Variants in RAD51B observed in about 807,000 individuals in gnomAD.
RAD51B encodes the protein DNA repair protein RAD51 homolog 2.
In RAD51B, 38 loss-of-function variants were observed where a neutral mutation model predicts 42.2. The ratio of observed to expected loss-of-function variants is 0.90; its 90% CI spans 0.70 to 1.18. The LOEUF (loss-of-function observed/expected upper bound fraction) is 1.18, where lower values mean the gene tolerates loss of function less well. Ranked by LOEUF, RAD51B falls within the 50% of genes most tolerant of loss-of-function variation. The probability of loss-of-function intolerance (pLI) is 0.00; values close to 1 mark genes in which losing one functional copy is unlikely to be tolerated. For synonymous variants in RAD51B, 154 were observed against 145.2 expected, an observed-to-expected ratio of 1.06 and a Z score of -0.43; for missense variants, 373 against 400.7, an observed-to-expected ratio of 0.93 and a Z score of 0.59.
At position 68,450,499 on chromosome 14, in the gene RAD51B, G is replaced by A. The variant is rs190904361; in HGVS notation, c.958-17673G>A. ...CGCCCGAAGTGCTGGGATTATAGGC[G>A]TGAACCACCACGCCTGGCCAGGACT... On this transcript the variant is annotated intron_variant, in intron 9 of 10. Transcript: ENST00000471583. 3.5e-4 allele frequency among the ~76,000 whole-genome samples: 54 copies of A among 152,200 alleles called. 2 individuals are homozygous for A.
chr14:68,089,068 CA>C (rs1192197261), intron 7 of RAD51B, among the ~76,000 whole-genome samples: 1 of 151,908 alleles, frequency 6.6e-6, no homozygotes, highest in Non-Finnish European at 1.5e-5. Context: ...AATATAAAGC[CA>C]TCATTATTTT....
At chr14:68,162,310 C>T (rs941986813) in intron 7 of RAD51B, among the ~76,000 whole-genome samples, 4 of 152,058 alleles carry the variant, frequency 2.6e-5, no homozygotes, top group Non-Finnish European at 4.4e-5. Context: ...CAAGTTTAAG[C>T]TAACTTCCCA....
chr14:68,447,206 G>C (rs2085441301), intron 9 of RAD51B, among the ~76,000 whole-genome samples: 1 of 152,104 alleles, frequency 6.6e-6, no homozygotes, highest in South Asian at 2.1e-4. Flanking sequence ...CAACAAGAGT[G>C]AAACTCCATC....
intron 8 of RAD51B, among the ~76,000 whole-genome samples, chr14:68,396,188 C>T (rs2083916503): frequency 6.6e-6 from 1 of 152,162 alleles, no homozygotes; most frequent in Non-Finnish European, 1.5e-5. Flanking sequence ...AAAATAGGGG[C>T]AACACTAGAG....
At chr14:68,052,492 C>T (rs1419172808) in intron 7 of RAD51B, among the ~76,000 whole-genome samples, 1 of 152,054 alleles carries the variant, frequency 6.6e-6, no homozygotes, top group African/African-American at 2.4e-5. Flanking sequence ...ACTATAATCA[C>T]TTCCTCTAGT....
chr14:68,568,376 G>C (rs1286714790), intron 10 of RAD51B, among the ~76,000 whole-genome samples: 1 of 152,210 alleles, frequency 6.6e-6, no homozygotes, highest in African/African-American at 2.4e-5. Flanking sequence ...TCAGAGAGCT[G>C]CAAGTGGTAC....
At chr14:68,419,173 C>A (rs2084635560) in intron 9 of RAD51B, among the ~76,000 whole-genome samples, 1 of 152,190 alleles carries the variant, frequency 6.6e-6, no homozygotes, top group Non-Finnish European at 1.5e-5. Context: ...CTTTGTTTTA[C>A]AGATGGCGGT....
In RAD51B at chr14:67,825,169, G is replaced by A. The variant is rs147640663; in HGVS notation, c.85-295G>A. Among the ~76,000 whole-genome samples, 12 of 150,252 alleles carry A rather than the reference G, an allele frequency of 8.0e-5. No individual in the cohort carries two copies. The East Asian group carries it at 2.3e-3, about 29-fold the overall frequency. On this transcript the variant is annotated intron_variant, in intron 2 of 10. Transcript: ENST00000471583. ...TATATTTATACCCAAATTCTTTTTG[G>A]CACAAGTGTAGCGCTCATACGCACC...
intron 8 of RAD51B, among the ~76,000 whole-genome samples, chr14:68,311,384 C>T (rs1156570058): frequency 6.6e-6 from 1 of 152,234 alleles, no homozygotes; most frequent in African/African-American, 2.4e-5. Flanking sequence ...ATGCCACCAG[C>T]AGTGACCTAG....
At chr14:68,344,546 C>T (rs1451513395) in intron 8 of RAD51B, among the ~76,000 whole-genome samples, 1 of 152,062 alleles carries the variant, frequency 6.6e-6, no homozygotes, top group Non-Finnish European at 1.5e-5. Context: ...ACTCGGGAAG[C>T]TGAGGCAGGA....
intron 10 of RAD51B, chr14:68,563,302 G>A (rs1312528608): frequency 1.0e-6 from 1 of 985,296 alleles, no homozygotes; most frequent in Non-Finnish European, 1.2e-6. Context: ...CAATGGGCTT[G>A]TTCTCTCCTC....
At chr14:68,498,307 A>G (rs1884683639) in intron 10 of RAD51B, among the ~76,000 whole-genome samples, 1 of 152,248 alleles carries the variant, frequency 6.6e-6, no homozygotes, top group Non-Finnish European at 1.5e-5. Flanking sequence ...ACAAGTTGAA[A>G]GATGGTTCAG....
intron 7 of RAD51B, among the ~76,000 whole-genome samples, chr14:68,073,874 G>A (rs868636320): frequency 1.3e-5 from 2 of 152,094 alleles, no homozygotes; most frequent in African/African-American, 2.4e-5. Flanking sequence ...TGGCTTGTAG[G>A]GTTTCTGCTG....
At chr14:68,071,095 T>C (rs1264708282) in intron 7 of RAD51B, among the ~76,000 whole-genome samples, 1 of 152,058 alleles carries the variant, frequency 6.6e-6, no homozygotes, top group Non-Finnish European at 1.5e-5. Flanking sequence ...ATATTGTTGA[T>C]GTATGGAAAT....
intron 7 of RAD51B, among the ~76,000 whole-genome samples, chr14:67,901,640 T>C (rs546314716): frequency 6.6e-6 from 1 of 152,274 alleles, no homozygotes; most frequent in African/African-American, 2.4e-5. Flanking sequence ...AGAATCACAA[T>C]ACAGTTCACA....
At chr14:68,005,315 G>A (rs1004337277) in intron 7 of RAD51B, among the ~76,000 whole-genome samples, 3 of 152,052 alleles carry the variant, frequency 2.0e-5, no homozygotes, top group Non-Finnish European at 4.4e-5. Context: ...ACCTCCCAAA[G>A]TGCTGGGATT....
At chr14:68,531,585 G>A (rs533101898) in intron 10 of RAD51B, among the ~76,000 whole-genome samples, 22 of 152,224 alleles carry the variant, frequency 1.4e-4, no homozygotes, top group Non-Finnish European at 2.1e-4. Context: ...TTCAAAACAT[G>A]TAAAGCAAAA....
chr14:68,220,036 G>A (rs576200708), intron 7 of RAD51B, among the ~76,000 whole-genome samples: 1 of 152,144 alleles, frequency 6.6e-6, no homozygotes, highest in Admixed American at 6.5e-5. Context: ...GACACACTTA[G>A]AGAAATGAAG....
intron 7 of RAD51B, among the ~76,000 whole-genome samples, chr14:68,165,377 C>A (rs1284507260): frequency 1.6e-4 from 24 of 152,114 alleles, no homozygotes; most frequent in Admixed American, 1.6e-3. Flanking sequence ...TAGTGGCATG[C>A]AAGCTTTGCC....
Sources: gnomAD v4.1 joint callset for allele counts (sites outside exome capture counted in the v4.1 genomes callset) on GRCh38, gnomAD v4.1.1 for gene constraint, MANE v1.5 for transcripts, NCBI Gene and HGNC (gene_info 2026-07-23, HGNC 2026-07-21) for gene names.